SPTBN5: variants seen among roughly 807,000 people sequenced by gnomAD.
SPTBN5 encodes the protein spectrin beta, non-erythrocytic 5.
In SPTBN5, 513 loss-of-function variants were observed where a neutral mutation model predicts 477.6. The ratio of observed to expected loss-of-function variants is 1.07; its 90% confidence interval spans 1.00 to 1.16. The LOEUF (loss-of-function observed/expected upper bound fraction) is 1.16. Among genes scored for constraint, SPTBN5 ranks in the 50% most tolerant of loss-of-function variants. SPTBN5 has a pLI of 0.00. For missense variants in SPTBN5, 5,062 were observed against 4,731.8 expected (o/e 1.07, Z -2.05); for synonymous variants, 2,169 against 2,011.7 (o/e 1.08, Z -2.09).
At position 41,852,163 on chromosome 15, in the gene SPTBN5, GC is replaced by G; in HGVS notation, c.10584+18del. On this transcript the variant is annotated intron_variant, in intron 62 of 67. Transcript: ENST00000320955. ...GGAGACCACGGCGGGGGTGCCTGCAGCCCCATAGGGACACCTGCCTGGGGGT... is the reference window on the plus strand; with the variant it reads ...GGAGACCACGGCGGGGGTGCCTGCAGCCCATAGGGACACCTGCCTGGGGGT... 1 of 1,564,872 alleles carries G rather than the reference GC, an allele frequency of 6.4e-7. No homozygotes were observed.
Position 41,881,134 on chromosome 15 carries a change from G to A in SPTBN5, c.2558C>T (p.Ala853Val). The A allele has an allele frequency of 6.2e-7, 1 of 1,613,626 alleles. No individual in the cohort carries two copies. The highest frequency in any genetic ancestry group is 8.5e-7 in the Non-Finnish European group (1 of 1,179,796). ...GTCAGGGTCAGGCTCAGCTGGGAGG[G>A]CCATCTTCCAGGCATCCCCAGGGCC... ...HPGPGDAWKM[A>V]LPAEPDPDFD... The change falls in exon 13 of 68, where the codon GCC (alanine) becomes GTC (valine). Residue 853 changes from alanine (A) to valine (V), a missense_variant. Ala to Val is a moderately conservative substitution (Grantham distance 64, BLOSUM62 0). Coordinates refer to ENST00000320955, the MANE Select transcript of SPTBN5 (RefSeq NM_016642.4).
intron 36 of SPTBN5, 35 bp downstream of exon 36, chr15:41,866,924 C>T (rs765821127): frequency 3.5e-5 from 54 of 1,535,342 alleles, no homozygotes; most frequent in Non-Finnish European, 4.6e-5. Context: ...AGTGTGGTTC[C>T]AGTGGAAGGC....
At chr15:41,866,311 G>A in intron 37 of SPTBN5, 33 bp downstream of exon 37, 2 of 1,571,816 alleles carry the variant, frequency 1.3e-6, no homozygotes, top group Non-Finnish European at 1.7e-6. Context: ...CCACACTTTG[G>A]GGCAGGCATG....
At chr15:41,876,370 C>T in intron 20 of SPTBN5, 86 bp from the exon 21 acceptor site, 1 of 1,457,570 alleles carries the variant, frequency 6.9e-7, no homozygotes, top group Non-Finnish European at 9.2e-7. Context: ...GGTGTGGCCA[C>T]AGCCCCTGTT....
rs554900242 is a variant in SPTBN5 at position 41,866,484 on chromosome 15, A to C, written c.6490T>G (p.Trp2164Gly). The change falls in exon 37 of 68, where the codon TGG becomes GGG. Residue 2164 changes from tryptophan (W) to glycine (G), a missense_variant. Coordinates refer to ENST00000320955, the MANE Select transcript of SPTBN5 (RefSeq NM_016642.4). ...FTQAATQAEDWIQAWAQQLKE... is the reference protein window; with the variant it reads ...FTQAATQAEDGIQAWAQQLKE... Reference sequence around the variant, plus strand: ...AGCTGCTGGGCCCACGCCTGGATCCAGTCCTCAGCCTGGTGGGGGTGGGAC... The same window carrying C: ...AGCTGCTGGGCCCACGCCTGGATCCCGTCCTCAGCCTGGTGGGGGTGGGAC... 3.2e-6 allele frequency: 5 copies of C among 1,571,932 alleles called. No homozygotes were observed. The African/African-American group carries it at 6.8e-5, about 21-fold the overall frequency.
chr15:41,865,660 G>T, intron 39 of SPTBN5, 148 bp downstream of exon 39: 1 of 669,274 alleles, frequency 1.5e-6, no homozygotes, highest in South Asian at 1.9e-5. Flanking sequence ...GAGTGAAGGC[G>T]GGTGAGAGGA....
At position 41,867,073 on chromosome 15, in the gene SPTBN5, G is replaced by C; in HGVS notation, c.6366C>G (p.Asp2122Glu). Residue 2122 changes from aspartate to glutamate, a missense_variant, in exon 36 of 68, where the codon GAC becomes GAG. Transcript: ENST00000320955. The part of the protein sequence containing the change: ...LKTLRRPRVR[D>E]RLPILLQRRM... ...GGCGCTGCAGCAGGATGGGAAGCCG[G>C]TCCCGCACCCGGGGGCGCCGGAGCG... 6.5e-7 allele frequency: 1 copy of C among 1,548,386 alleles called. No homozygotes were observed. Among genetic ancestry groups the C allele is most frequent in the Non-Finnish European group, 8.7e-7 (1 of 1,147,612 alleles).
chr15:41,885,590 G>T, intron 7 of SPTBN5, 145 bp downstream of exon 7: 1 of 1,017,732 alleles, frequency 9.8e-7, no homozygotes, highest in South Asian at 1.7e-5. Context: ...GCATCACTGG[G>T]AGATAGATCT....
intron 20 of SPTBN5, 99 bp from the exon 21 acceptor site, chr15:41,876,383 C>T: frequency 1.4e-6 from 2 of 1,439,710 alleles, no homozygotes; most frequent in Admixed American, 4.2e-5. Flanking sequence ...CCCCTGTTTT[C>T]CTCCTCAGGA....
chr15:41,870,721 C>T (rs2066508221), intron 29 of SPTBN5, among the ~76,000 whole-genome samples, 161 bp from the exon 30 acceptor site: 1 of 152,260 alleles, frequency 6.6e-6, no homozygotes, highest in African/African-American at 2.4e-5. Context: ...CCTGCCTACG[C>T]ACCTTCTTCC....
chr15:41,852,541 G>T, intron 61 of SPTBN5, 93 bp downstream of exon 61: 1 of 1,422,744 alleles, frequency 7.0e-7, no homozygotes, highest in Non-Finnish European at 9.9e-7. Context: ...GCAGGGCCGG[G>T]TGAGGGCTCA....
chr15:41,859,093 G>T, intron 47 of SPTBN5, 113 bp from the exon 48 acceptor site: 1 of 788,490 alleles, frequency 1.3e-6, no homozygotes, highest in Non-Finnish European at 1.9e-6. Flanking sequence ...AGTTTCCTTT[G>T]GAATAAAGGT....
rs1372230919 is a variant in SPTBN5, at chr15:41,870,434, T to C, written c.5562+12A>G. The C allele has an allele frequency of 6.2e-6, 10 of 1,612,848 alleles. No individual in the cohort carries two copies. In the Admixed American group the frequency reaches 1.0e-4, roughly 16 times the overall value. On this transcript the variant is annotated intron_variant, in intron 30 of 67. Transcript: ENST00000320955. ...GAGTGTATCCACTTCTAGCCACCCCTCCGGCTCACACCTGGACCTGGGTGA... is the reference window on the plus strand; with the variant it reads ...GAGTGTATCCACTTCTAGCCACCCCCCCGGCTCACACCTGGACCTGGGTGA...
Position 41,871,377 on chromosome 15 carries a change from C to A in SPTBN5, c.5445G>T (p.Leu1815=), listed in dbSNP as rs2066528942. Residue 1815 remains leucine, a splice_region_variant and synonymous_variant, in exon 29 of 68, where the codon CTG becomes CTT. Coordinates refer to ENST00000320955, the MANE Select transcript of SPTBN5 (RefSeq NM_016642.4). ...GPMVRQRQQD[L]QTAWSELWEL... ...GGCCTGGCCCGTTGGGCACTCACTG[C>A]AGATCCTGCTGCCTCTGACGGACCA... The A allele has an allele frequency of 6.9e-7, 1 of 1,446,786 alleles. No homozygotes were observed. The highest frequency in any genetic ancestry group is 9.1e-7 in the Non-Finnish European group (1 of 1,097,216). The allele number at this position is 1,446,786 out of a possible 1,614,324, so 89.6% of individuals were successfully genotyped here. A position where few individuals can be genotyped will look rare whatever the true frequency, so the allele number is the denominator to read the frequency against.
chr15:41,859,095 A>T, intron 47 of SPTBN5, 115 bp from the exon 48 acceptor site: 1 of 777,642 alleles, frequency 1.3e-6, no homozygotes, highest in Non-Finnish European at 1.9e-6. Flanking sequence ...TTTCCTTTGG[A>T]ATAAAGGTAC....
chr15:41,848,958 C>T (rs1025349019), intron 67 of SPTBN5, among the ~76,000 whole-genome samples: 3 of 152,222 alleles, frequency 2.0e-5, no homozygotes, highest in African/African-American at 7.2e-5. Context: ...CCGTCAGCAA[C>T]ACATCATCTA....
rs771329698 is a variant in SPTBN5, at chr15:41,853,743, C to G, written c.9819G>C (p.Thr3273=). 1.3e-6 allele frequency: 2 copies of G among 1,580,548 alleles called. No homozygotes were observed. Among genetic ancestry groups the G allele is most frequent in the Middle Eastern group, 3.3e-4 (2 of 6,020 alleles). The change falls in exon 58 of 68, where the codon ACG becomes ACC. Residue 3273 remains threonine (T), a synonymous_variant. Transcript: ENST00000320955. ...AMEKEVARLQ[T]EACRLGQLHP... ...GTAGCTGGCCCAGTCGGCAGGCCTC[C>G]GTCTGTAGCCGTGCCACCTCCTTCT...
Position 41,856,981 on chromosome 15 carries a change from G to C in SPTBN5, c.8680C>G (p.Leu2894Val). ...GCGTCCCTGAAGAACTTCAAGAGGA[G>C]GCTCCGGGCCTCCAGGGCCGTCCTG... ...ERRTALEARS[L>V]LLKFFRDADE... is the part of the protein sequence containing the mutation. Residue 2894 changes from leucine to valine, a missense_variant, in exon 52 of 68, where the codon CTC (leucine) becomes GTC (valine). Physicochemically the swap from Leu to Val is conservative, Grantham distance 32 (BLOSUM62 1). Coordinates refer to ENST00000320955, the MANE Select transcript of SPTBN5 (RefSeq NM_016642.4). 5 of 1,602,548 alleles carry C rather than the reference G, an allele frequency of 3.1e-6. No individual in the cohort carries two copies. The highest frequency in any genetic ancestry group is 3.4e-6 in the Non-Finnish European group (4 of 1,175,362).
At chr15:41,864,793 G>A (rs1372601943) in intron 39 of SPTBN5, among the ~76,000 whole-genome samples, 1 of 152,188 alleles carries the variant, frequency 6.6e-6, no homozygotes, top group Non-Finnish European at 1.5e-5. Context: ...CAGGGAGGGG[G>A]TCCACCGCAG....
Sources: gnomAD v4.1 joint callset for allele counts (sites outside exome capture counted in the v4.1 genomes callset) on GRCh38, gnomAD v4.1.1 for gene constraint, MANE v1.5 for transcripts, NCBI Gene and HGNC (gene_info 2026-07-23, HGNC 2026-07-21) for gene names.